PHRF1: variants seen among roughly 807,000 people sequenced by gnomAD.
The protein encoded by PHRF1 is PHD and ring finger domains 1.
In PHRF1, 53 loss-of-function variants were observed where a neutral mutation model predicts 128.9. The ratio of observed to expected loss-of-function variants is 0.41; its 90% CI spans 0.33 to 0.52. The LOEUF is 0.52. PHRF1 is among the 20% of genes least tolerant of loss of function. The pLI is 0.21. For synonymous variants in PHRF1, 1,178 were observed against 980.6 expected, an observed-to-expected ratio of 1.20 and a Z score of -3.76; for missense variants, 2,503 against 2,284.5, an observed-to-expected ratio of 1.10 and a Z score of -1.95.
chr11:605,742 C>T lies in PHRF1; in HGVS notation c.1454+18C>T. 6.3e-7 allele frequency: 1 copy of T among 1,597,212 alleles called. No individual in the cohort carries two copies. The highest frequency in any genetic ancestry group is 8.5e-7 in the Non-Finnish European group (1 of 1,176,010). ...CTTTCCAGGTGTGTGAGGGCAGAGG[C>T]TTCTGGGGAGGTGGGGGCAGCAGTT... is the stretch of plus-strand genomic sequence containing the variant. On this transcript the variant is annotated intron_variant, in intron 12 of 17. Coordinates refer to ENST00000264555, the MANE Select transcript of PHRF1 (RefSeq NM_001286581.2).
rs1386198791 is a variant in PHRF1 at position 606,697 on chromosome 11, G to A, written c.1609+101G>A. The A allele has an allele frequency of 2.8e-6, 4 of 1,430,726 alleles. No individual in the cohort carries two copies. In the East Asian group the frequency reaches 7.3e-5, roughly 26 times the overall value. 88.6% of individuals were successfully genotyped at this position (1,430,726 alleles called of 1,614,324 possible). On this transcript the variant is annotated intron_variant, in intron 13 of 17. Transcript: ENST00000264555. ...TGTCTCAGTCACGGAAGATGTAGCTGAAGTTGGGGGGACCATTCCTCAGCC... is the reference window on the plus strand; with the variant it reads ...TGTCTCAGTCACGGAAGATGTAGCTAAAGTTGGGGGGACCATTCCTCAGCC...
chr11:588,940 A>G (rs1322473164), intron 4 of PHRF1, among the ~76,000 whole-genome samples: 3 of 152,002 alleles, frequency 2.0e-5, no homozygotes, highest in Non-Finnish European at 2.9e-5. Flanking sequence ...GATCAAGACC[A>G]TCCTGGCCAA....
At chr11:605,342 C>T in intron 11 of PHRF1, 42 bp downstream of exon 11, 6 of 1,601,752 alleles carry the variant, frequency 3.7e-6, no homozygotes, top group South Asian at 1.1e-5. Context: ...ACCCGCTCCT[C>T]TCCCTGGGGG....
At chr11:611,453 C>T (rs1293591015) in intron 17 of PHRF1, among the ~76,000 whole-genome samples, 181 bp from the exon 18 acceptor site, 1 of 152,196 alleles carries the variant, frequency 6.6e-6, no homozygotes, top group Non-Finnish European at 1.5e-5. Flanking sequence ...TTGTGAGCGG[C>T]ATAGCGAACA....
chr11:607,540 A>T lies in PHRF1; in HGVS notation c.2084A>T (p.Asp695Val). The change falls in exon 14 of 18, where the codon GAT becomes GTT. Residue 695 changes from aspartate to valine, a missense_variant. Coordinates refer to ENST00000264555, the MANE Select transcript of PHRF1 (RefSeq NM_001286581.2). Reference sequence around the variant, plus strand: ...AGAGATGACGGTGGTGGCAGACGGGATGCGGCCCCGGCCCACGGGCAGAGC... The same window carrying T: ...AGAGATGACGGTGGTGGCAGACGGGTTGCGGCCCCGGCCCACGGGCAGAGC... ...IRRDDGGGRR[D>V]AAPAHGQSIE... is the part of the protein sequence containing the mutation. 6.2e-7 allele frequency: 1 copy of T among 1,612,612 alleles called. No individual in the cohort carries two copies. The highest frequency in any genetic ancestry group is 8.5e-7 in the Non-Finnish European group (1 of 1,179,880).
rs1411120735 is a variant in PHRF1, at chr11:597,046, G to T, written c.718+26G>T. ...GTAAGGACACTGCTCCCGTCCCAAG[G>T]CGCACATGGGCCTTCTCACTGTCCA... On this transcript the variant is annotated intron_variant, in intron 7 of 17. Transcript: ENST00000264555. The surrounding 1 kb of genome is among the most constrained non-coding windows in gnomAD (Gnocchi z 6.5). 6.2e-7 allele frequency: 1 copy of T among 1,607,220 alleles called. No homozygotes were observed. The highest frequency in any genetic ancestry group is 1.1e-5 in the South Asian group (1 of 90,552).
rs555199635 is a variant in PHRF1, at chr11:583,778, C to T, written c.214+1697C>T. Among the ~76,000 whole-genome samples, 6 of 152,268 alleles carry T rather than the reference C, an allele frequency of 3.9e-5. No homozygotes were observed. The South Asian group carries it at 1.0e-3, about 26-fold the overall frequency. Reference sequence around the variant, plus strand: ...AAGTCCGTGGGGTGCGCTGGTGGTACCTCCTTCCTTGTCCCCTGTTGCCAT... The same window carrying T: ...AAGTCCGTGGGGTGCGCTGGTGGTATCTCCTTCCTTGTCCCCTGTTGCCAT... On this transcript the variant is annotated intron_variant, in intron 3 of 17. Transcript: ENST00000264555.
rs1196306131 is a variant in PHRF1 at position 591,340 on chromosome 11, GA to G, written c.421-41del. The G allele has an allele frequency of 2.0e-6, 3 of 1,525,346 alleles. No homozygotes were observed. The East Asian group carries it at 7.0e-5, about 35-fold the overall frequency. The allele number at this position is 1,525,346 out of a possible 1,614,324, so 94.5% of individuals were successfully genotyped here. ...GTAAAAGAATTTTTGATCTCTAAGTGAAAGTGATTGACAAGATTCTGATCCT... is the reference window on the plus strand; with the variant it reads ...GTAAAAGAATTTTTGATCTCTAAGTGAAGTGATTGACAAGATTCTGATCCT... On this transcript the variant is annotated intron_variant, in intron 4 of 17. Coordinates refer to ENST00000264555, the MANE Select transcript of PHRF1 (RefSeq NM_001286581.2).
chr11:606,345 C>T, intron 12 of PHRF1, 97 bp from the exon 13 acceptor site: 6 of 1,420,510 alleles, frequency 4.2e-6, no homozygotes, highest in Non-Finnish European at 4.6e-6. Flanking sequence ...CCCAGCCCCA[C>T]TCTCCCTGGC....
intron 1 of PHRF1, among the ~76,000 whole-genome samples, chr11:580,039 C>T (rs898393814): frequency 6.6e-6 from 1 of 152,166 alleles, no homozygotes; most frequent in African/African-American, 2.4e-5. Context: ...GCCCTGAACT[C>T]GAGGGCAGCT....
At chr11:578,110 G>T (rs1853993762) in intron 1 of PHRF1, among the ~76,000 whole-genome samples, 1 of 152,192 alleles carries the variant, frequency 6.6e-6, no homozygotes. Context: ...TGGAGTTGGG[G>T]CTGCTGGTGC....
intron 9 of PHRF1, 127 bp from the exon 10 acceptor site, chr11:601,444 AAAT>A: frequency 2.2e-6 from 3 of 1,337,740 alleles, no homozygotes; most frequent in South Asian, 3.0e-5. Context: ...AAAAAAAAAA[AAAT>A]TGCAAGCCGG....
chr11:589,795 G>A (rs1265411811), intron 4 of PHRF1, among the ~76,000 whole-genome samples: 2 of 150,012 alleles, frequency 1.3e-5, no homozygotes, highest in African/African-American at 5.1e-5. Context: ...CTGAGAGGGT[G>A]TCTGCAAACG....
At chr11:595,898 C>T (rs537541338) in intron 6 of PHRF1, among the ~76,000 whole-genome samples, 11 of 152,198 alleles carry the variant, frequency 7.2e-5, no homozygotes, top group East Asian at 1.9e-4. Context: ...CCGCCGCCCC[C>T]CTCTGCTGGC....
intron 1 of PHRF1, among the ~76,000 whole-genome samples, chr11:577,080 C>T (rs921258878): frequency 2.6e-5 from 4 of 152,224 alleles, no homozygotes; most frequent in Non-Finnish European, 5.9e-5. Flanking sequence ...GGCCCCTGTG[C>T]ATGGTTGCCG....
intron 3 of PHRF1, among the ~76,000 whole-genome samples, chr11:584,882 C>A (rs1045281925): frequency 6.6e-6 from 1 of 151,916 alleles, no homozygotes; most frequent in Non-Finnish European, 1.5e-5. Flanking sequence ...GGATTACAGG[C>A]GCGCACCACC....
chr11:610,388 G>A (rs1394623085), intron 15 of PHRF1, 41 bp downstream of exon 15: 3 of 1,537,490 alleles, frequency 2.0e-6, no homozygotes, highest in Admixed American at 3.9e-5. Flanking sequence ...GTGGGCAGTG[G>A]CCTGGCACCC....
chr11:601,265 T>C (rs1030543255), intron 9 of PHRF1, among the ~76,000 whole-genome samples: 7 of 150,878 alleles, frequency 4.6e-5, no homozygotes, highest in Non-Finnish European at 8.9e-5. Context: ...TGATAAGCCC[T>C]ATCTATAAAA....
At chr11:581,900 C>T in intron 2 of PHRF1, 62 bp from the exon 3 acceptor site, 1 of 1,498,332 alleles carries the variant, frequency 6.7e-7, no homozygotes, top group Non-Finnish European at 8.9e-7. Flanking sequence ...TGCAAAGCAA[C>T]CTGCTCTCTG....
Sources: gnomAD v4.1 joint callset for allele counts (sites outside exome capture counted in the v4.1 genomes callset) on GRCh38, gnomAD v4.1.1 for gene constraint, Gnocchi (gnomAD v3.1) non-coding constraint, MANE v1.5 for transcripts, NCBI Gene and HGNC (gene_info 2026-07-23, HGNC 2026-07-21) for gene names.